Variants in LGR4 observed in about 807,000 individuals in gnomAD.
LGR4 encodes the protein leucine rich repeat containing G protein-coupled receptor 4.
Under a neutral mutation model 84.8 loss-of-function variants are expected in LGR4, and 44 were observed. That is an observed-to-expected ratio of 0.52 (90% CI 0.41 to 0.67). The LOEUF is 0.67. Among genes scored for constraint, LGR4 ranks in the 30% least tolerant of loss-of-function variants. The probability of loss-of-function intolerance (pLI) is 0.00; values close to 1 mark genes in which losing one functional copy is unlikely to be tolerated. For missense variants in LGR4, 1,032 were observed against 1,131.4 expected (o/e 0.91, Z 1.26); for synonymous variants, 429 against 434.3 (o/e 0.99, Z 0.15).
intron 6 of LGR4, among the ~76,000 whole-genome samples, chr11:27,382,968 G>A (rs916562723): frequency 2.6e-5 from 4 of 152,100 alleles, no homozygotes; most frequent in Non-Finnish European, 1.5e-5. Context: ...AGTGAGCCGA[G>A]ATCATGCCAC....
At chr11:27,456,452 C>A (rs1864578878) in intron 1 of LGR4, among the ~76,000 whole-genome samples, 1 of 152,202 alleles carries the variant, frequency 6.6e-6, no homozygotes, top group Non-Finnish European at 1.5e-5. Flanking sequence ...ACATCTTCAA[C>A]AGGAGAGGCA....
rs532850779 is a variant in LGR4 at position 27,437,435 on chromosome 11, C to T, written c.186-24575G>A. The stretch of plus-strand genomic sequence containing the variant: ...ACCTAGAAGCAATCATTAAAACCAA[C>T]GTACCTCCATAAAATGCATTTTTTA... On this transcript the variant is annotated intron_variant, in intron 1 of 17. Transcript: ENST00000379214. Among the ~76,000 whole-genome samples the T allele has an allele frequency of 4.8e-4, 73 of 152,158 alleles. No homozygotes were observed. In the Middle Eastern group the frequency reaches 0.01, roughly 21 times the overall value.
intron 2 of LGR4, among the ~76,000 whole-genome samples, chr11:27,396,990 C>T (rs1383161346): frequency 1.3e-5 from 2 of 152,154 alleles, no homozygotes; most frequent in African/African-American, 4.8e-5. Context: ...TTCCTGTTAT[C>T]ACCTGATTTT....
At chr11:27,379,154 A>C in intron 10 of LGR4, 1 of 198,728 alleles carries the variant, frequency 5.0e-6, no homozygotes. Context: ...TCTTTCAGTC[A>C]AACTGGCTCA....
At chr11:27,406,123 C>G (rs539722229) in intron 2 of LGR4, among the ~76,000 whole-genome samples, 169 of 152,250 alleles carry the variant, frequency 1.1e-3, no homozygotes, top group Non-Finnish European at 2.2e-3. Flanking sequence ...CTCTGCAGGT[C>G]TTTGTACATG....
At chr11:27,438,655 GCCT>G (rs60933773) in intron 1 of LGR4, among the ~76,000 whole-genome samples, 2,974 of 152,248 alleles carry the variant, frequency 0.02, 101 homozygotes, top group African/African-American at 0.069. Flanking sequence ...ATATGGGTGG[GCCT>G]CATCCAATCT....
At chr11:27,376,265 A>C (rs200303422) in intron 13 of LGR4, 34 bp downstream of exon 13, 47 of 1,280,852 alleles carry the variant, frequency 3.7e-5, no homozygotes, top group Non-Finnish European at 5.6e-6. Flanking sequence ...TTTGGAAAAA[A>C]TTTATTGTCT....
At chr11:27,467,725 G>A (rs1158771036) in intron 1 of LGR4, among the ~76,000 whole-genome samples, 2 of 152,112 alleles carry the variant, frequency 1.3e-5, no homozygotes, top group Non-Finnish European at 1.5e-5. Flanking sequence ...GTGAATTATT[G>A]ACAGATCTGG....
In LGR4 at chr11:27,377,174, G is replaced by A. The variant is rs1215465385; in HGVS notation, c.1093C>T (p.His365Tyr). 1.3e-6 allele frequency: 2 copies of A among 1,588,118 alleles called. No homozygotes were observed. Among genetic ancestry groups the A allele is most frequent in the East Asian group, 4.5e-5 (2 of 44,120 alleles). The change falls in exon 12 of 18, where the codon CAT becomes TAT. Residue 365 changes from histidine (H) to tyrosine (Y), a missense_variant. Physicochemically the swap from His to Tyr is moderately conservative, Grantham distance 83. Coordinates refer to ENST00000379214, the MANE Select transcript of LGR4 (RefSeq NM_018490.5). ...CCAACTCACATTTCTTCCAGAGCATGGCAACCATTAAAACTTGGAAGGTCT... is the reference window on the plus strand; with the variant it reads ...CCAACTCACATTTCTTCCAGAGCATAGCAACCATTAAAACTTGGAAGGTCT... ...IRDLPSFNGC[H>Y]ALEEISLQRN...
At position 27,368,270 on chromosome 11, in the gene LGR4, C is replaced by T. The variant is rs765573173; in HGVS notation, c.2453G>A (p.Arg818His). 12 of 1,614,074 alleles carry T rather than the reference C, an allele frequency of 7.4e-6. No homozygotes were observed. The highest frequency in any genetic ancestry group is 2.7e-5 in the African/African-American group (2 of 74,924). ...FKEDWKLLKR[R>H]VTKKSGSVSV... is the part of the protein sequence containing the mutation. ...AACTGATCCACTTTTCTTGGTAACACGTCGCTTCAGTAACTTCCAGTCTTC... is the reference window on the plus strand; with the variant it reads ...AACTGATCCACTTTTCTTGGTAACATGTCGCTTCAGTAACTTCCAGTCTTC... The change falls in exon 18 of 18, where the codon CGT becomes CAT. Residue 818 changes from arginine to histidine, a missense_variant. Arg to His is a conservative substitution (Grantham distance 29). Coordinates refer to ENST00000379214, the MANE Select transcript of LGR4 (RefSeq NM_018490.5).
intron 1 of LGR4, among the ~76,000 whole-genome samples, chr11:27,465,182 T>C (rs2133459402): frequency 6.6e-6 from 1 of 152,356 alleles, no homozygotes; most frequent in Non-Finnish European, 1.5e-5. Flanking sequence ...GATATGCTTA[T>C]ATTCTTATGA....
intron 1 of LGR4, among the ~76,000 whole-genome samples, chr11:27,463,557 G>A (rs1183637120): frequency 9.2e-5 from 14 of 151,872 alleles, no homozygotes; most frequent in African/African-American, 2.9e-4. Context: ...AGGCTGAGGC[G>A]GGCGGATCAC....
At chr11:27,402,241 A>C (rs1863518548) in intron 2 of LGR4, among the ~76,000 whole-genome samples, 1 of 152,146 alleles carries the variant, frequency 6.6e-6, no homozygotes, top group African/African-American at 2.4e-5. Context: ...GCTCTGGTTA[A>C]TGAAGTGAGA....
chr11:27,367,091 T>C lies in LGR4; in HGVS notation c.*776A>G, dbSNP rs950507394. The C allele has an allele frequency of 2.0e-5, 3 of 152,220 alleles. No homozygotes were observed. Among genetic ancestry groups the C allele is most frequent in the Non-Finnish European group, 4.4e-5 (3 of 68,026 alleles). The allele number at this position is 152,220 out of a possible 1,614,324, so 9.4% of individuals were successfully genotyped here. On this transcript the variant is annotated 3_prime_UTR_variant, in exon 18 of 18. Transcript: ENST00000379214. The stretch of plus-strand genomic sequence containing the variant: ...ACTATTAAACCCCCACATTAGTTAG[T>C]AGTTTAGCCAAATCGACTAAACCCA...
chr11:27,402,410 G>A (rs890120764), intron 2 of LGR4, among the ~76,000 whole-genome samples: 1 of 123,050 alleles, frequency 8.1e-6, no homozygotes, highest in Non-Finnish European at 1.6e-5. Flanking sequence ...GAGCACACTA[G>A]AAAGTAAGGA....
In LGR4 at chr11:27,392,523, A is replaced by T; in HGVS notation, c.258-5T>A. 1 of 1,529,016 alleles carries T rather than the reference A, an allele frequency of 6.5e-7. No individual in the cohort carries two copies. Among genetic ancestry groups the T allele is most frequent in the Non-Finnish European group, 8.8e-7 (1 of 1,140,106 alleles). 94.7% of individuals were successfully genotyped at this position (1,529,016 alleles called of 1,614,324 possible). On this transcript the variant is annotated splice_region_variant and splice_polypyrimidine_tract_variant and intron_variant, in intron 2 of 17. Coordinates refer to ENST00000379214, the MANE Select transcript of LGR4 (RefSeq NM_018490.5). ...AGGTCGTTGCCCGCCAATTGTCTAG[A>T]GAAAAAAAAAAAAAAAGTAGCAAGA...
chr11:27,456,811 GACA>G (rs1864583663), intron 1 of LGR4, among the ~76,000 whole-genome samples: 1 of 152,130 alleles, frequency 6.6e-6, no homozygotes, highest in Non-Finnish European at 1.5e-5. Flanking sequence ...ATGAATAACA[GACA>G]ACTTCATTTT....
At chr11:27,411,385 T>TAAGAAAAAAA (rs1465697333) in intron 2 of LGR4, among the ~76,000 whole-genome samples, 4 of 150,170 alleles carry the variant, frequency 2.7e-5, no homozygotes, top group Non-Finnish European at 5.9e-5. Context: ...ATGTTCACTA[T>TAAGAAAAAAA]AAGAAAAAAA....
At chr11:27,393,980 C>T (rs1427484528) in intron 2 of LGR4, among the ~76,000 whole-genome samples, 1 of 120,042 alleles carries the variant, frequency 8.3e-6, no homozygotes, top group Non-Finnish European at 1.7e-5. Flanking sequence ...GAAAAGCAAA[C>T]AGCCAAAAGA....
Sources: gnomAD v4.1 joint callset for allele counts (sites outside exome capture counted in the v4.1 genomes callset) on GRCh38, gnomAD v4.1.1 for gene constraint, MANE v1.5 for transcripts, NCBI Gene and HGNC (gene_info 2026-07-23, HGNC 2026-07-21) for gene names.